TTLL11: variants seen among roughly 807,000 people sequenced by gnomAD.
The protein encoded by TTLL11 is tubulin polyglutamylase TTLL11.
In TTLL11, 42 loss-of-function variants were observed where a neutral mutation model predicts 51.7. That is an observed-to-expected ratio of 0.81 (90% CI 0.64 to 1.05). TTLL11 has a LOEUF of 1.05. Ranked by LOEUF, TTLL11 falls within the 50% of genes least tolerant of loss-of-function variation. TTLL11 has a pLI of 0.00. For synonymous variants in TTLL11, 381 were observed against 383.5 expected, an observed-to-expected ratio of 0.99 and a Z score of 0.08; for missense variants, 799 against 940.4, an observed-to-expected ratio of 0.85 and a Z score of 1.97.
intron 6 of TTLL11, among the ~76,000 whole-genome samples, chr9:121,961,938 A>C (rs9409247): frequency 0.91 from 139,095 of 152,088 alleles, 64,004 homozygotes; most frequent in Non-Finnish European, 0.97. Flanking sequence ...TGCCTGTGAT[A>C]CCAGCTACTC....
intron 2 of TTLL11, among the ~76,000 whole-genome samples, chr9:122,036,085 A>G (rs1039051472): frequency 6.6e-6 from 1 of 152,178 alleles, no homozygotes; most frequent in Admixed American, 6.5e-5. Flanking sequence ...CTCCCTGGGC[A>G]AATCTGGGTT....
rs1253416442 is a variant in TTLL11 at position 122,044,101 on chromosome 9, G to A, written c.463-4733C>T. On this transcript the variant is annotated intron_variant, in intron 1 of 8. Transcript: ENST00000321582. Reference sequence around the variant, plus strand: ...TCAATTCCCACCTACGAGTGAGAACGTGCAGTGTTTGGTTTTTTGTCCTTG... The same window carrying A: ...TCAATTCCCACCTACGAGTGAGAACATGCAGTGTTTGGTTTTTTGTCCTTG... 9.4e-4 allele frequency among the ~76,000 whole-genome samples: 143 copies of A among 152,178 alleles called. 1 individual carries two copies. Among genetic ancestry groups the A allele is most frequent in the Non-Finnish European group, 1.5e-3 (101 of 68,008 alleles).
chr9:122,007,094 T>C (rs1843678000), intron 3 of TTLL11, among the ~76,000 whole-genome samples: 1 of 151,974 alleles, frequency 6.6e-6, no homozygotes, highest in Non-Finnish European at 1.5e-5. Flanking sequence ...TTATATTTCA[T>C]TTCAGGATAC....
chr9:121,992,988 C>T (rs1843156093), intron 3 of TTLL11, among the ~76,000 whole-genome samples: 1 of 152,122 alleles, frequency 6.6e-6, no homozygotes, highest in Admixed American at 6.5e-5. Flanking sequence ...ATGGATGCAT[C>T]CTGAGGATAC....
chr9:122,006,452 C>T (rs1019988837), intron 3 of TTLL11, among the ~76,000 whole-genome samples: 1 of 150,590 alleles, frequency 6.6e-6, no homozygotes, highest in African/African-American at 2.5e-5. Context: ...AATGATATTG[C>T]GGACCATGGT....
At chr9:122,072,530 G>A (rs1845756051) in intron 1 of TTLL11, among the ~76,000 whole-genome samples, 1 of 152,168 alleles carries the variant, frequency 6.6e-6, no homozygotes, top group African/African-American at 2.4e-5. Flanking sequence ...TGTAATCCCA[G>A]CTACTCGGGA....
intron 2 of TTLL11, among the ~76,000 whole-genome samples, chr9:122,034,270 G>C (rs1844638915): frequency 6.6e-6 from 1 of 152,186 alleles, no homozygotes; most frequent in African/African-American, 2.4e-5. Flanking sequence ...CTCCAGAAAA[G>C]TTTTGTGAAA....
intron 1 of TTLL11, among the ~76,000 whole-genome samples, chr9:122,069,637 C>A (rs936842022): frequency 6.6e-6 from 1 of 151,986 alleles, no homozygotes; most frequent in African/African-American, 2.4e-5. Context: ...AGTGGGATCG[C>A]GCCATTGCAC....
chr9:121,825,542 G>A (rs1007424568), intron 8 of TTLL11, among the ~76,000 whole-genome samples: 14 of 152,178 alleles, frequency 9.2e-5, no homozygotes, highest in African/African-American at 2.9e-4. Context: ...TGGCTCAGGC[G>A]TCTTGTCCAG....
intron 3 of TTLL11, among the ~76,000 whole-genome samples, chr9:122,019,354 C>T (rs1844097205): frequency 6.6e-6 from 1 of 152,226 alleles, no homozygotes; most frequent in African/African-American, 2.4e-5. Flanking sequence ...CCCTGCATGG[C>T]TTCCCCTTGA....
chr9:122,023,402 T>C (rs958555663), intron 3 of TTLL11, among the ~76,000 whole-genome samples: 6 of 151,928 alleles, frequency 3.9e-5, no homozygotes, highest in Non-Finnish European at 7.4e-5. Context: ...AAAAAACTCT[T>C]CTAGAAAATT....
At chr9:122,011,525 A>G (rs1022684721) in intron 3 of TTLL11, among the ~76,000 whole-genome samples, 1 of 152,200 alleles carries the variant, frequency 6.6e-6, no homozygotes, top group African/African-American at 2.4e-5. Context: ...AATCTGAATA[A>G]ATTCTGAAAA....
At chr9:121,943,262 G>A (rs1402727997) in intron 6 of TTLL11, among the ~76,000 whole-genome samples, 1 of 152,200 alleles carries the variant, frequency 6.6e-6, no homozygotes, top group African/African-American at 2.4e-5. Context: ...AGGGCCAACT[G>A]TATTATAATT....
intron 1 of TTLL11, among the ~76,000 whole-genome samples, chr9:122,061,618 A>T (rs1845434255): frequency 6.6e-6 from 1 of 152,068 alleles, no homozygotes; most frequent in Non-Finnish European, 1.5e-5. Context: ...GACTAGTAAG[A>T]CTAAATGTTT....
chr9:122,007,316 G>A (rs1843684338), intron 3 of TTLL11, among the ~76,000 whole-genome samples: 1 of 151,780 alleles, frequency 6.6e-6, no homozygotes, highest in African/African-American at 2.4e-5. Flanking sequence ...AAATGACCCT[G>A]TCTCTACTAA....
chr9:122,030,499 G>C (rs1844504524), intron 3 of TTLL11, among the ~76,000 whole-genome samples: 1 of 152,058 alleles, frequency 6.6e-6, no homozygotes, highest in African/African-American at 2.4e-5. Flanking sequence ...CATATGCCTT[G>C]GAAATAGCTC....
chr9:121,880,828 C>T (rs1010500333), intron 6 of TTLL11, among the ~76,000 whole-genome samples: 6 of 152,206 alleles, frequency 3.9e-5, no homozygotes, highest in African/African-American at 1.4e-4. Context: ...TGAGTTTACA[C>T]CTGAGGACGC....
In TTLL11 at chr9:121,816,579, T is replaced by G. The variant is rs1466213636; in HGVS notation, c.*6008A>C. 6.7e-6 allele frequency: 1 copy of G among 148,470 alleles called. No homozygotes were observed. Among genetic ancestry groups the G allele is most frequent in the Non-Finnish European group, 1.5e-5 (1 of 67,426 alleles). The allele number at this position is 148,470 out of a possible 1,614,324, so 9.2% of individuals were successfully genotyped here. On this transcript the variant is annotated 3_prime_UTR_variant, in exon 9 of 9. Transcript: ENST00000321582. ...ACGTGTGTGCATGCGTGTGCGTGTG[T>G]GCATGTGTGTGCGTGTGTGCATGTG... is the stretch of plus-strand genomic sequence containing the variant.
chr9:121,847,194 C>T (rs939212471), intron 8 of TTLL11, among the ~76,000 whole-genome samples: 9 of 129,214 alleles, frequency 7.0e-5, no homozygotes, highest in African/African-American at 1.9e-4. Flanking sequence ...TGGGAGACTG[C>T]GAGACTCCGT....
Sources: allele counts gnomAD v4.1 joint callset (sites outside exome capture counted in the v4.1 genomes callset), GRCh38; gene constraint gnomAD v4.1.1; transcripts MANE v1.5; gene names NCBI Gene and HGNC (gene_info 2026-07-23, HGNC 2026-07-21).